SPAG16: variants seen among roughly 807,000 people sequenced by gnomAD.
SPAG16 encodes the protein sperm associated antigen 16.
Under a neutral mutation model 80.4 loss-of-function variants are expected in SPAG16, and 86 were observed. The ratio of observed to expected loss-of-function variants is 1.07; its 90% CI spans 0.90 to 1.28. The LOEUF (loss-of-function observed/expected upper bound fraction) is 1.28. Ranked by LOEUF, SPAG16 falls within the 50% of genes most tolerant of loss-of-function variation. The pLI is 0.00. For synonymous variants in SPAG16, 294 were observed against 265.9 expected (o/e 1.11, Z -1.03); for missense variants, 870 against 765.3 (o/e 1.14, Z -1.61).
At chr2:213,979,948 C>G (rs1043273485) in intron 12 of SPAG16, among the ~76,000 whole-genome samples, 1 of 151,828 alleles carries the variant, frequency 6.6e-6, no homozygotes, top group African/African-American at 2.4e-5. Context: ...AATAAGTGTT[C>G]CAGATGGATA....
chr2:213,620,546 C>T (rs1004176559), intron 10 of SPAG16, among the ~76,000 whole-genome samples: 4 of 151,916 alleles, frequency 2.6e-5, no homozygotes, highest in Non-Finnish European at 5.9e-5. Flanking sequence ...CCTGTCTCAG[C>T]CTCCTAAAGT....
chr2:213,624,198 T>G (rs1376079744), intron 10 of SPAG16, among the ~76,000 whole-genome samples: 1 of 151,890 alleles, frequency 6.6e-6, no homozygotes, highest in Non-Finnish European at 1.5e-5. Context: ...AATTATATTA[T>G]GGTAATTTTT....
chr2:213,861,007 G>A (rs973762362), intron 10 of SPAG16, among the ~76,000 whole-genome samples: 3 of 152,052 alleles, frequency 2.0e-5, no homozygotes, highest in Middle Eastern at 3.4e-3. Context: ...TCTTCTATCC[G>A]GTTTGAGCTG....
chr2:213,585,739 G>C lies in SPAG16; in HGVS notation c.1070+95649G>C, dbSNP rs531156813. Among the ~76,000 whole-genome samples, 8 of 152,206 alleles carry C rather than the reference G, an allele frequency of 5.3e-5. No homozygotes were observed. The East Asian group carries it at 1.4e-3, about 26-fold the overall frequency. On this transcript the variant is annotated intron_variant, in intron 10 of 15. Transcript: ENST00000331683. ...ATATCAAAGTTCTTATTCTTGGAGA[G>C]GTGAAATATAAGCACTGTCAAATCA...
chr2:214,018,461 G>C (rs1429659151), intron 13 of SPAG16, among the ~76,000 whole-genome samples: 1 of 152,004 alleles, frequency 6.6e-6, no homozygotes, highest in Admixed American at 6.6e-5. Context: ...TTTTGAAAAG[G>C]GTAACCAGAT....
chr2:214,244,331 A>G (rs1333649247), intron 15 of SPAG16, among the ~76,000 whole-genome samples: 1 of 151,868 alleles, frequency 6.6e-6, no homozygotes, highest in Non-Finnish European at 1.5e-5. Context: ...CTAGTGTGTA[A>G]CTAATTAATA....
At chr2:214,303,620 T>C (rs2125960523) in intron 15 of SPAG16, among the ~76,000 whole-genome samples, 1 of 152,312 alleles carries the variant, frequency 6.6e-6, no homozygotes, top group South Asian at 2.1e-4. Context: ...ACTTGTATAG[T>C]ATCTTCCAAG....
At chr2:214,039,046 G>A (rs2048863722) in intron 13 of SPAG16, among the ~76,000 whole-genome samples, 1 of 152,018 alleles carries the variant, frequency 6.6e-6, no homozygotes, top group South Asian at 2.1e-4. Context: ...ATAATCCTTT[G>A]GGTATATACC....
chr2:214,378,275 G>A (rs753042780), intron 15 of SPAG16, among the ~76,000 whole-genome samples: 11 of 152,266 alleles, frequency 7.2e-5, no homozygotes, highest in East Asian at 1.9e-4. Context: ...CAGGCAAATC[G>A]TTGGAGATAA....
intron 13 of SPAG16, among the ~76,000 whole-genome samples, chr2:214,094,798 G>T (rs972820263): frequency 3.9e-5 from 6 of 152,188 alleles, no homozygotes; most frequent in African/African-American, 1.2e-4. Flanking sequence ...ATATGGGGTA[G>T]ATGATTTGTC....
At chr2:213,691,366 G>A (rs546334943) in intron 10 of SPAG16, among the ~76,000 whole-genome samples, 4 of 152,220 alleles carry the variant, frequency 2.6e-5, no homozygotes, top group South Asian at 2.1e-4. Context: ...AGCTGTCAGG[G>A]TGCTCACTCT....
At chr2:214,250,769 G>T (rs1395289728) in intron 15 of SPAG16, among the ~76,000 whole-genome samples, 1 of 145,204 alleles carries the variant, frequency 6.9e-6, no homozygotes, top group African/African-American at 2.5e-5. Context: ...GAGAGAGAGA[G>T]AGAGAGAGAG....
intron 10 of SPAG16, among the ~76,000 whole-genome samples, chr2:213,848,131 C>A (rs1178105245): frequency 6.6e-6 from 1 of 151,874 alleles, no homozygotes; most frequent in Non-Finnish European, 1.5e-5. Context: ...AACTGAATAC[C>A]TGTGGAGTCA....
intron 5 of SPAG16, among the ~76,000 whole-genome samples, chr2:213,337,292 C>A (rs2064415630): frequency 6.6e-6 from 1 of 152,186 alleles, no homozygotes; most frequent in Non-Finnish European, 1.5e-5. Flanking sequence ...CCTGAAAACT[C>A]AAAAAGCCAG....
intron 10 of SPAG16, among the ~76,000 whole-genome samples, chr2:213,513,825 T>G (rs1293016974): frequency 6.6e-6 from 1 of 152,090 alleles, no homozygotes; most frequent in African/African-American, 2.4e-5. Context: ...TATTTATGAG[T>G]TGGCTGCTTC....
intron 10 of SPAG16, among the ~76,000 whole-genome samples, chr2:213,698,912 A>T (rs2065275522): frequency 6.6e-6 from 1 of 152,240 alleles, no homozygotes; most frequent in Non-Finnish European, 1.5e-5. Flanking sequence ...TGTATTAATT[A>T]AATGAGATAA....
intron 10 of SPAG16, among the ~76,000 whole-genome samples, chr2:213,813,799 A>T (rs1394194537): frequency 1.3e-5 from 2 of 152,172 alleles, no homozygotes; most frequent in Admixed American, 1.3e-4. Context: ...AACAAAAAAC[A>T]CAAACTCTCT....
At chr2:214,283,197 T>C (rs991613081) in intron 15 of SPAG16, among the ~76,000 whole-genome samples, 1 of 152,122 alleles carries the variant, frequency 6.6e-6, no homozygotes, top group Non-Finnish European at 1.5e-5. Context: ...GCCTGAGTAA[T>C]TTGTTTATCT....
At chr2:214,242,948 G>A (rs1192204627) in intron 15 of SPAG16, among the ~76,000 whole-genome samples, 1 of 152,096 alleles carries the variant, frequency 6.6e-6, no homozygotes. Flanking sequence ...TCACTGGTTA[G>A]TAAAACTGAA....
Sources: gnomAD v4.1 joint callset for allele counts (sites outside exome capture counted in the v4.1 genomes callset) on GRCh38, gnomAD v4.1.1 for gene constraint, MANE v1.5 for transcripts, NCBI Gene and HGNC (gene_info 2026-07-23, HGNC 2026-07-21) for gene names.